The following PTPN21 variants were observed in gnomAD, a reference collection of about 807,000 sequenced individuals.
PTPN21 encodes the protein tyrosine-protein phosphatase non-receptor type 21.
In PTPN21, 77 loss-of-function variants were observed where a neutral mutation model predicts 131.8. The observed-to-expected ratio is 0.58, with a 90% CI of 0.49 to 0.71. The LOEUF is 0.71. Ranked by LOEUF, PTPN21 falls within the 30% of genes least tolerant of loss-of-function variation. The pLI, the probability that PTPN21 is intolerant of heterozygous loss-of-function variation, is 0.00. For synonymous variants in PTPN21, 715 were observed against 621.3 expected (o/e 1.15, Z -2.24); for missense variants, 1,552 against 1,527.1 (o/e 1.02, Z -0.27).
At chr14:88,511,877 C>A (rs1190737108) in intron 3 of PTPN21, among the ~76,000 whole-genome samples, 1 of 152,064 alleles carries the variant, frequency 6.6e-6, no homozygotes, top group Non-Finnish European at 1.5e-5. Flanking sequence ...ATATTTCATA[C>A]AATATATGAC....
intron 10 of PTPN21, among the ~76,000 whole-genome samples, chr14:88,491,557 A>C (rs1407630321): frequency 6.6e-6 from 1 of 152,268 alleles, no homozygotes; most frequent in African/African-American, 2.4e-5. Context: ...GAACATGACT[A>C]AACAGTCTAT....
chr14:88,488,736 T>C (rs2077773792), intron 10 of PTPN21, among the ~76,000 whole-genome samples: 1 of 152,166 alleles, frequency 6.6e-6, no homozygotes, highest in South Asian at 2.1e-4. Context: ...GAGGATCCCT[T>C]GAATCCAGGA....
At position 88,466,605 on chromosome 14, in the gene PTPN21, T is replaced by C. The variant is rs2077367390; in HGVS notation, c.*1532A>G. On this transcript the variant is annotated 3_prime_UTR_variant, in exon 19 of 19. Transcript: ENST00000556564. ...AAAGGGAAAGGGTTCCTCAGCTAAA[T>C]ATCCCACTCATCCATGCCTACTCAG... The C allele has an allele frequency of 6.6e-6, 1 of 152,222 alleles. No individual in the cohort carries two copies. The highest frequency in any genetic ancestry group is 2.4e-5 in the African/African-American group (1 of 41,464). The allele number at this position is 152,222 out of a possible 1,614,324, so 9.4% of individuals were successfully genotyped here.
intron 15 of PTPN21, among the ~76,000 whole-genome samples, chr14:88,472,030 T>C (rs1162734094): frequency 6.6e-6 from 1 of 152,220 alleles, no homozygotes; most frequent in African/African-American, 2.4e-5. Context: ...CTCTGTCTGA[T>C]AGACGCTTTT....
chr14:88,521,556 C>A (rs766243425), intron 2 of PTPN21, among the ~76,000 whole-genome samples: 12 of 141,326 alleles, frequency 8.5e-5, no homozygotes, highest in Non-Finnish European at 1.8e-4. Flanking sequence ...GCACCCGCCA[C>A]CACGCCCAAC....
In PTPN21 at chr14:88,550,558, T is replaced by A; in HGVS notation, c.-141A>T. On this transcript the variant is annotated 5_prime_UTR_variant, in exon 2 of 19. Coordinates refer to ENST00000556564, the MANE Select transcript of PTPN21 (RefSeq NM_007039.4). The stretch of plus-strand genomic sequence containing the variant: ...CTCCAGCTGCTCACCCAGCAGCCGC[T>A]GCCGCCATTAAAAAGCAACGGAGTC... 1.2e-6 allele frequency: 1 copy of A among 822,808 alleles called. No homozygotes were observed. The highest frequency in any genetic ancestry group is 1.8e-6 in the Non-Finnish European group (1 of 540,726). The allele number at this position is 822,808 out of a possible 1,614,324, so 51.0% of individuals were successfully genotyped here.
chr14:88,497,340 A>T, intron 8 of PTPN21, 50 bp from the exon 9 acceptor site: 1 of 1,407,732 alleles, frequency 7.1e-7, no homozygotes, highest in Non-Finnish European at 1.0e-6. Flanking sequence ...CATGGGGGAA[A>T]CAAGGAGATA....
At chr14:88,527,211 A>C (rs563697430) in intron 2 of PTPN21, among the ~76,000 whole-genome samples, 25 of 152,294 alleles carry the variant, frequency 1.6e-4, no homozygotes, top group Non-Finnish European at 3.1e-4. Flanking sequence ...TTCTACTTTT[A>C]GTTCTTTAAG....
Position 88,478,966 on chromosome 14 carries a change from AG to A in PTPN21, c.2464del (p.Leu822PhefsTer15). On this transcript the variant is annotated frameshift_variant, in exon 13 of 19. Transcript: ENST00000556564. LOFTEE classifies it high-confidence loss of function. ...CACGATGTTCTTCTTCCCAGAGAGA[AG>A]GTCCGACACCGGCCTTTTCTTCAGA... is the stretch of plus-strand genomic sequence containing the variant. ...DSLKKRPVSD[L>X]LSGKKNIVEG... is the part of the protein sequence containing the mutation. 1 of 1,537,906 alleles carries A rather than the reference AG, an allele frequency of 6.5e-7. No individual in the cohort carries two copies. The highest frequency in any genetic ancestry group is 8.7e-7 in the Non-Finnish European group (1 of 1,142,878).
Position 88,550,232 on chromosome 14 carries a change from G to A in PTPN21, c.180+6C>T. The stretch of plus-strand genomic sequence containing the variant: ...GCCTGGCCTGCAGTGTCTTTAGGTG[G>A]CTTACCTCCCGCAGCTCCAGCCTCT... On this transcript the variant is annotated splice_donor_region_variant and intron_variant, in intron 2 of 18. Transcript: ENST00000556564. The A allele has an allele frequency of 6.2e-7, 1 of 1,612,154 alleles. No homozygotes were observed. Among genetic ancestry groups the A allele is most frequent in the Non-Finnish European group, 8.5e-7 (1 of 1,179,292 alleles).
intron 2 of PTPN21, among the ~76,000 whole-genome samples, chr14:88,541,632 C>A (rs565848839): frequency 6.6e-6 from 1 of 152,260 alleles, no homozygotes; most frequent in Non-Finnish European, 1.5e-5. Context: ...TCCCCTCTGT[C>A]CCCCCTGAGA....
At chr14:88,470,194 A>G in intron 15 of PTPN21, 144 bp from the exon 16 acceptor site, 1 of 717,444 alleles carries the variant, frequency 1.4e-6, no homozygotes, top group Non-Finnish European at 2.2e-6. Flanking sequence ...CAGCAGAATA[A>G]GGAAAGACTT....
At chr14:88,518,470 G>T (rs1271640679) in intron 2 of PTPN21, among the ~76,000 whole-genome samples, 4 of 95,202 alleles carry the variant, frequency 4.2e-5, no homozygotes, top group Admixed American at 2.9e-4. Context: ...TCACTCTGTT[G>T]CCCAGGCTAC....
At position 88,469,072 on chromosome 14, in the gene PTPN21, A is replaced by T; in HGVS notation, c.3240T>A (p.Tyr1080Ter). 6.2e-7 allele frequency: 1 copy of T among 1,608,032 alleles called. No individual in the cohort carries two copies. The highest frequency in any genetic ancestry group is 8.5e-7 in the Non-Finnish European group (1 of 1,175,494). The change falls in exon 18 of 19, where the codon TAT becomes TAA. Residue 1080 changes from tyrosine to a stop codon, truncating the protein, a stop_gained. Coordinates refer to ENST00000556564, the MANE Select transcript of PTPN21 (RefSeq NM_007039.4). LOFTEE classifies it high-confidence loss of function. This position sits in a 1 kb window ranked among gnomAD's most constrained non-coding sequence, Gnocchi z 4.3. Reference sequence around the variant, plus strand: ...GTCGAACAGACTGGATCTCTTCAAGATATGCTGTGGAAAATCAATGAAATA... The same window carrying T: ...GTCGAACAGACTGGATCTCTTCAAGTTATGCTGTGGAAAATCAATGAAATA... ...CPEDLKGFLS[Y>*]LEEIQSVRRH... is the part of the protein sequence containing the mutation.
At position 88,486,215 on chromosome 14, in the gene PTPN21, G is replaced by T. The variant is rs553195565; in HGVS notation, c.933-373C>A. Among the ~76,000 whole-genome samples, 10 of 152,334 alleles carry T rather than the reference G, an allele frequency of 6.6e-5. No individual in the cohort carries two copies. In the South Asian group the frequency reaches 2.1e-3, roughly 32 times the overall value. Reference sequence around the variant, plus strand: ...CTTGTCGCAGGAGAAGCTGGATTCAGTGCAAATGCAAATGTGTTTCTCCTA... The same window carrying T: ...CTTGTCGCAGGAGAAGCTGGATTCATTGCAAATGCAAATGTGTTTCTCCTA... On this transcript the variant is annotated intron_variant, in intron 10 of 18. Transcript: ENST00000556564.
chr14:88,469,703 A>G lies in PTPN21; in HGVS notation c.3031T>C (p.Trp1011Arg). ...TTGTGCCTGGAACCAAGTCGTGGCC[A>G]GTACCTAAAGCTCTTCTCCCTTCCA... Reference protein sequence around the residue: ...EGGREKSFRYWPRLGSRHNTV... With the variant: ...EGGREKSFRYRPRLGSRHNTV... Residue 1011 changes from tryptophan (W) to arginine (R), a missense_variant, in exon 17 of 19, where the codon TGG (tryptophan) becomes CGG (arginine). Trp to Arg is a moderately radical substitution (Grantham distance 101, BLOSUM62 -3). Transcript: ENST00000556564. This position sits in a 1 kb window ranked among gnomAD's most constrained non-coding sequence, Gnocchi z 4.3. 1 of 1,614,222 alleles carries G rather than the reference A, an allele frequency of 6.2e-7. No individual in the cohort carries two copies.
intron 2 of PTPN21, among the ~76,000 whole-genome samples, chr14:88,531,787 G>A (rs1000111291): frequency 6.6e-6 from 1 of 151,892 alleles, no homozygotes; most frequent in African/African-American, 2.4e-5. Context: ...AGAACCAAAT[G>A]AAATTGAAAC....
chr14:88,499,658 A>T (rs1461942627), intron 8 of PTPN21, among the ~76,000 whole-genome samples: 1 of 151,494 alleles, frequency 6.6e-6, no homozygotes, highest in Non-Finnish European at 1.5e-5. Flanking sequence ...AAAAATTCAC[A>T]AAAAATGCTC....
intron 18 of PTPN21, 109 bp from the exon 19 acceptor site, chr14:88,468,374 C>CT: frequency 2.8e-6 from 3 of 1,070,754 alleles, no homozygotes; most frequent in Admixed American, 5.3e-5. Flanking sequence ...TGGACAGTCT[C>CT]TTTTCCACCT....
Sources: gnomAD v4.1 joint callset for allele counts (sites outside exome capture counted in the v4.1 genomes callset) on GRCh38, gnomAD v4.1.1 for gene constraint, Gnocchi (gnomAD v3.1) non-coding constraint, MANE v1.5 for transcripts, NCBI Gene and HGNC (gene_info 2026-07-23, HGNC 2026-07-21) for gene names.